Variants in NBEAL1 observed in about 807,000 individuals in gnomAD.
NBEAL1 encodes the protein neurobeachin-like protein 1.
Under a neutral mutation model 351.3 loss-of-function variants are expected in NBEAL1, and 273 were observed. The observed-to-expected ratio is 0.78, with a 90% CI of 0.70 to 0.86. NBEAL1 has a LOEUF of 0.86. NBEAL1 is among the 40% of genes least tolerant of loss of function. NBEAL1 has a pLI of 0.00. For synonymous variants in NBEAL1, 1,050 were observed against 1,086.4 expected (o/e 0.97, Z 0.66); for missense variants, 2,961 against 3,201.3 (o/e 0.92, Z 1.81).
At chr2:203,041,664 T>G (rs1289802497) in intron 2 of NBEAL1, 101 bp from the exon 3 acceptor site, 2 of 730,556 alleles carry the variant, frequency 2.7e-6, no homozygotes, top group Non-Finnish European at 4.6e-6. Context: ...CACTTGGAGA[T>G]TTCATAGTAT....
intron 42 of NBEAL1, 103 bp downstream of exon 42, chr2:203,175,390 G>C: frequency 8.4e-7 from 1 of 1,194,416 alleles, no homozygotes. Context: ...TTATTCTCCT[G>C]TATTAAATTT....
intron 19 of NBEAL1, among the ~76,000 whole-genome samples, chr2:203,122,640 G>A (rs147049726): frequency 3.9e-5 from 6 of 152,284 alleles, no homozygotes; most frequent in South Asian, 2.1e-4. Context: ...TGTCTGTGTG[G>A]AGTTTGAATG....
At chr2:203,162,310 C>T (rs1310114910) in intron 36 of NBEAL1, among the ~76,000 whole-genome samples, 1 of 152,086 alleles carries the variant, frequency 6.6e-6, no homozygotes, top group African/African-American at 2.4e-5. Flanking sequence ...AGGTGTGAGC[C>T]ACTGTACCCA....
chr2:203,113,923 G>A (rs1296508010), intron 17 of NBEAL1, among the ~76,000 whole-genome samples: 1 of 150,098 alleles, frequency 6.7e-6, no homozygotes, highest in African/African-American at 2.5e-5. Context: ...CCAGGTTCAC[G>A]CCATTCTCCT....
intron 10 of NBEAL1, among the ~76,000 whole-genome samples, chr2:203,094,903 T>C (rs1346010590): frequency 1.3e-5 from 2 of 152,066 alleles, no homozygotes; most frequent in African/African-American, 2.4e-5. Flanking sequence ...AGGCGGATCA[T>C]CTGAGGTCGG....
chr2:203,153,398 C>T (rs1376330502), intron 35 of NBEAL1, among the ~76,000 whole-genome samples: 2 of 151,354 alleles, frequency 1.3e-5, no homozygotes, highest in African/African-American at 4.9e-5. Flanking sequence ...TCCACCTCAG[C>T]CTCCCAAAGT....
intron 42 of NBEAL1, among the ~76,000 whole-genome samples, chr2:203,178,525 A>G (rs907245950): frequency 3.3e-5 from 5 of 152,208 alleles, no homozygotes; most frequent in Non-Finnish European, 5.9e-5. Context: ...CTACTGATAA[A>G]TGAATAATGT....
At position 203,036,679 on chromosome 2, in the gene NBEAL1, T is replaced by G. The variant is rs2106031204; in HGVS notation, c.52-5086T>G. Among the ~76,000 whole-genome samples, 2 of 149,408 alleles carry G rather than the reference T, an allele frequency of 1.3e-5. 1 individual carries two copies. The highest frequency in any genetic ancestry group is 6.8e-3 in the Middle Eastern group (2 of 294). Reference sequence around the variant, plus strand: ...CAAAAAATTGTGAGTGCTTTACTTCTTAATAAATGAAACACCTCCAAATTT... The same window carrying G: ...CAAAAAATTGTGAGTGCTTTACTTCGTAATAAATGAAACACCTCCAAATTT... On this transcript the variant is annotated intron_variant, in intron 2 of 55. Coordinates refer to ENST00000683969, the MANE Select transcript of NBEAL1 (RefSeq NM_001378026.1).
chr2:203,209,107 T>C lies in NBEAL1; in HGVS notation c.7624-54T>C, dbSNP rs2105842020. 3 of 1,428,556 alleles carry C rather than the reference T, an allele frequency of 2.1e-6. No individual in the cohort carries two copies. In the East Asian group the frequency reaches 6.9e-5, roughly 33 times the overall value. The allele number at this position is 1,428,556 out of a possible 1,614,324, so 88.5% of individuals were successfully genotyped here. The stretch of plus-strand genomic sequence containing the variant: ...TCTGGCCCACTCTACTTTTATTCTT[T>C]TTTGCTGTTCTTTTCCTTTGTCTTT... On this transcript the variant is annotated intron_variant, in intron 52 of 55. Coordinates refer to ENST00000683969, the MANE Select transcript of NBEAL1 (RefSeq NM_001378026.1).
At chr2:203,188,392 C>T in intron 44 of NBEAL1, 80 bp from the exon 45 acceptor site, 1 of 714,126 alleles carries the variant, frequency 1.4e-6, no homozygotes, top group African/African-American at 1.8e-5. Context: ...TTCATTTGTC[C>T]TTACTTTTTT....
At chr2:203,175,821 C>G (rs2106424376) in intron 42 of NBEAL1, among the ~76,000 whole-genome samples, 1 of 152,306 alleles carries the variant, frequency 6.6e-6, no homozygotes, top group South Asian at 2.1e-4. Flanking sequence ...ACATAGCTCC[C>G]TATTTATACA....
chr2:203,054,366 C>G (rs1422890004), intron 4 of NBEAL1, among the ~76,000 whole-genome samples: 2 of 150,806 alleles, frequency 1.3e-5, no homozygotes, highest in African/African-American at 4.9e-5. Context: ...GCGGAGGTTG[C>G]AGTGAGCCGA....
At chr2:203,167,173 T>A in intron 37 of NBEAL1, 54 bp from the exon 38 acceptor site, 1 of 1,528,148 alleles carries the variant, frequency 6.5e-7, no homozygotes, top group Non-Finnish European at 8.8e-7. Context: ...ATTTTCTACT[T>A]AGCATGAGTA....
intron 27 of NBEAL1, among the ~76,000 whole-genome samples, chr2:203,134,186 T>C (rs1373460886): frequency 6.6e-6 from 1 of 152,174 alleles, no homozygotes; most frequent in African/African-American, 2.4e-5. Flanking sequence ...TACTTAGCTC[T>C]GAGTATTTGG....
intron 46 of NBEAL1, among the ~76,000 whole-genome samples, chr2:203,192,963 CTTTTTTTT>C (rs71408917): frequency 2.0e-5 from 2 of 99,346 alleles, no homozygotes; most frequent in South Asian, 6.5e-4. Context: ...TTCTTTCTTT[CTTTTTTTT>C]TTTTTTTTTT....
chr2:203,148,944 C>T, intron 33 of NBEAL1, 47 bp from the exon 34 acceptor site: 1 of 1,477,080 alleles, frequency 6.8e-7, no homozygotes, highest in Non-Finnish European at 9.0e-7. Flanking sequence ...GTAAATATAC[C>T]TGTAAATATA....
chr2:203,186,171 A>G (rs1392316434), intron 44 of NBEAL1, among the ~76,000 whole-genome samples: 1 of 152,238 alleles, frequency 6.6e-6, no homozygotes, highest in African/African-American at 2.4e-5. Context: ...GCTGTGTTCT[A>G]CTACTACTCT....
At position 203,113,143 on chromosome 2, in the gene NBEAL1, A is replaced by G; in HGVS notation, c.2331A>G (p.Ser777=). ...GGACATCATTTGGTGGAATTCTGTCATCAGCCTCCTGGGGAGGAACAATTG... is the reference window on the plus strand; with the variant it reads ...GGACATCATTTGGTGGAATTCTGTCGTCAGCCTCCTGGGGAGGAACAATTG... ...PHRTSFGGIL[S]SASWGGTIEK... The change falls in exon 17 of 56, where the codon TCA becomes TCG. Residue 777 remains serine, a synonymous_variant. Coordinates refer to ENST00000683969, the MANE Select transcript of NBEAL1 (RefSeq NM_001378026.1). 6.4e-7 allele frequency: 1 copy of G among 1,553,604 alleles called. No individual in the cohort carries two copies.
chr2:203,103,556 G>A (rs1428417814), intron 12 of NBEAL1, among the ~76,000 whole-genome samples: 1 of 152,164 alleles, frequency 6.6e-6, no homozygotes, highest in East Asian at 1.9e-4. Context: ...ACAGATGTGA[G>A]CCATTGTGCC....
Sources: gnomAD v4.1 joint callset for allele counts (sites outside exome capture counted in the v4.1 genomes callset) on GRCh38, gnomAD v4.1.1 for gene constraint, MANE v1.5 for transcripts, NCBI Gene and HGNC (gene_info 2026-07-23, HGNC 2026-07-21) for gene names.